The following ZNF708 variants were observed in gnomAD, a reference collection of about 807,000 sequenced individuals.
ZNF708 encodes the protein ZNF15, ZNF15L1.
ZNF708 carries 44 observed loss-of-function variants against 47.0 expected under a neutral mutation model. The ratio of observed to expected loss-of-function variants is 0.94; its 90% CI spans 0.74 to 1.20. The LOEUF (loss-of-function observed/expected upper bound fraction) is 1.20. ZNF708 is among the 50% of genes most tolerant of loss of function. ZNF708 has a pLI of 0.00. For synonymous variants in ZNF708, 184 were observed against 218.5 expected (o/e 0.84, Z 1.39); for missense variants, 557 against 656.0 (o/e 0.85, Z 1.65).
In ZNF708 at chr19:21,294,510, A is replaced by C; in HGVS notation, c.456T>G (p.Tyr152Ter). 1.2e-6 allele frequency: 2 copies of C among 1,614,142 alleles called. No homozygotes were observed. The highest frequency in any genetic ancestry group is 2.2e-5 in the South Asian group (2 of 91,068). Reference protein sequence around the residue: ...CDKYVKVFHKYSNAKRHKIRH... With the variant: ...CDKYVKVFHK Reference sequence around the variant, plus strand: ...TTATCTTATGTCTCTTTGCATTTGAATATTTATGAAAGACTTTCACGTATT... The same window carrying C: ...TTATCTTATGTCTCTTTGCATTTGACTATTTATGAAAGACTTTCACGTATT... Residue 152 changes from tyrosine (Y) to a stop codon, truncating the protein, a stop_gained, in exon 4 of 4, where the codon TAT becomes TAG. Transcript: ENST00000356929. LOFTEE classifies it high-confidence loss of function.
chr19:21,301,331 TAGAC>T (rs1426876656), intron 3 of ZNF708, among the ~76,000 whole-genome samples: 9 of 151,074 alleles, frequency 6.0e-5, no homozygotes, highest in African/African-American at 2.2e-4. Context: ...ATACAAAAGT[TAGAC>T]AGGGTGCGGT....
intron 3 of ZNF708, among the ~76,000 whole-genome samples, chr19:21,305,616 G>A (rs1158802647): frequency 6.6e-6 from 1 of 151,530 alleles, no homozygotes; most frequent in Non-Finnish European, 1.5e-5. Flanking sequence ...CCGCCACCAC[G>A]CCCAGCTAAT....
At chr19:21,325,492 C>A (rs918743075) in intron 1 of ZNF708, among the ~76,000 whole-genome samples, 2 of 152,144 alleles carry the variant, frequency 1.3e-5, no homozygotes, top group Non-Finnish European at 2.9e-5. Flanking sequence ...ACAAATGGTA[C>A]TGGGATAATT....
chr19:21,298,643 T>A (rs894788207), intron 3 of ZNF708, among the ~76,000 whole-genome samples: 6 of 148,286 alleles, frequency 4.0e-5, no homozygotes, highest in Non-Finnish European at 9.0e-5. Context: ...TCAAAATACA[T>A]GACAAAGCTA....
chr19:21,314,058 C>G (rs1972956546), intron 1 of ZNF708, among the ~76,000 whole-genome samples: 1 of 149,044 alleles, frequency 6.7e-6, no homozygotes, highest in African/African-American at 2.5e-5. Context: ...AGAGAGGCAG[C>G]AGAATTCAAC....
At chr19:21,300,195 G>A (rs377146871) in intron 3 of ZNF708, among the ~76,000 whole-genome samples, 9 of 139,456 alleles carry the variant, frequency 6.5e-5, no homozygotes, top group African/African-American at 2.1e-4. Flanking sequence ...CTGGGCAACA[G>A]AGCAAGACTC....
chr19:21,298,334 C>T (rs181022627), intron 3 of ZNF708, among the ~76,000 whole-genome samples: 20 of 151,738 alleles, frequency 1.3e-4, no homozygotes, highest in African/African-American at 4.4e-4. Context: ...CTTTCTGTGA[C>T]CAAAATGGAA....
intron 3 of ZNF708, among the ~76,000 whole-genome samples, chr19:21,307,396 C>T (rs773045657): frequency 1.5e-4 from 23 of 151,728 alleles, no homozygotes; most frequent in African/African-American, 4.8e-4. Flanking sequence ...GAAGCTGAGG[C>T]GGGTGGATCA....
chr19:21,293,315 T>G lies in ZNF708; in HGVS notation c.1651A>C (p.Lys551Gln), dbSNP rs766584371. ...GGTTTCTCTTTGGTATGAATTCTCTTATGTTTAGTAAGGTTTGGGGACTGG... is the reference window on the plus strand; with the variant it reads ...GGTTTCTCTTTGGTATGAATTCTCTGATGTTTAGTAAGGTTTGGGGACTGG... Reference protein sequence around the residue: ...FNQSPNLTKHKRIHTKEKPYK... With the variant: ...FNQSPNLTKHQRIHTKEKPYK... Residue 551 changes from lysine to glutamine, a missense_variant, in exon 4 of 4, where the codon AAG (lysine) becomes CAG (glutamine). Physicochemically the swap from Lys to Gln is moderately conservative, Grantham distance 53. Transcript: ENST00000356929. The G allele has an allele frequency of 3.5e-5, 56 of 1,612,276 alleles. No individual in the cohort carries two copies. Among genetic ancestry groups the G allele is most frequent in the Non-Finnish European group, 4.3e-5 (51 of 1,179,078 alleles).
chr19:21,308,223 T>TTTTGGCA, intron 3 of ZNF708, among the ~76,000 whole-genome samples: 1 of 152,084 alleles, frequency 6.6e-6, no homozygotes, highest in South Asian at 2.1e-4. Context: ...TCTAGTGGCA[T>TTTTGGCA]TTTTTTCATA....
chr19:21,308,188 G>C (rs1972824596), intron 3 of ZNF708, among the ~76,000 whole-genome samples: 1 of 151,512 alleles, frequency 6.6e-6, no homozygotes, highest in Non-Finnish European at 1.5e-5. Context: ...GTGAGCTATA[G>C]ATTCAAGAAA....
At position 21,321,966 on chromosome 19, in the gene ZNF708, C is replaced by CT. The variant is rs530855518; in HGVS notation, c.3+7243dup. Among the ~76,000 whole-genome samples, 81 of 151,954 alleles carry CT rather than the reference C, an allele frequency of 5.3e-4. No individual in the cohort carries two copies. In the South Asian group the frequency reaches 0.017, roughly 32 times the overall value. On this transcript the variant is annotated intron_variant, in intron 1 of 3. Coordinates refer to ENST00000356929, the MANE Select transcript of ZNF708 (RefSeq NM_021269.3). ...GTTTGTGCCTGGGTGGGGCTGTACT[C>CT]TAATTTATTTCTCTGTTCATACAGG...
chr19:21,311,977 T>C (rs1323871704), intron 1 of ZNF708, among the ~76,000 whole-genome samples: 5 of 152,212 alleles, frequency 3.3e-5, no homozygotes, highest in Admixed American at 1.3e-4. Context: ...AGCCTCATGT[T>C]AAAATCACAT....
intron 3 of ZNF708, among the ~76,000 whole-genome samples, chr19:21,297,262 ATATATATATTTTTTTTTTTTTTTTT>A (rs1474695507): frequency 2.1e-4 from 3 of 14,164 alleles, no homozygotes; most frequent in East Asian, 1.4e-3. Context: ...ATATATATAT[ATATATATATTTTTTTTTTTTTTTTT>A]TTTTTTTTTT....
At chr19:21,315,084 G>T (rs1225988076) in intron 1 of ZNF708, among the ~76,000 whole-genome samples, 1 of 152,164 alleles carries the variant, frequency 6.6e-6, no homozygotes, top group African/African-American at 2.4e-5. Context: ...AGGTATAGTT[G>T]TGGTCATGGC....
At chr19:21,306,485 A>G (rs2145163571) in intron 3 of ZNF708, among the ~76,000 whole-genome samples, 1 of 152,324 alleles carries the variant, frequency 6.6e-6, no homozygotes, top group African/African-American at 2.4e-5. Flanking sequence ...AGCAAAATTA[A>G]TAATTTATAG....
chr19:21,327,021 A>G (rs1973269668), intron 1 of ZNF708, among the ~76,000 whole-genome samples: 1 of 152,062 alleles, frequency 6.6e-6, no homozygotes, highest in Non-Finnish European at 1.5e-5. Flanking sequence ...TACTCTAAGA[A>G]AGGAAAACTT....
At chr19:21,311,549 A>G (rs748776330) in intron 1 of ZNF708, among the ~76,000 whole-genome samples, 27 of 152,180 alleles carry the variant, frequency 1.8e-4, no homozygotes, top group Non-Finnish European at 1.5e-4. Context: ...AGTTCTGTGC[A>G]AAGTTCAAGA....
chr19:21,311,400 A>G (rs528883085), intron 1 of ZNF708, among the ~76,000 whole-genome samples: 3 of 151,594 alleles, frequency 2.0e-5, no homozygotes, highest in Non-Finnish European at 4.4e-5. Flanking sequence ...TTTTTAACCG[A>G]AAGAATTATT....
Sources: gnomAD v4.1 joint callset for allele counts (sites outside exome capture counted in the v4.1 genomes callset) on GRCh38, gnomAD v4.1.1 for gene constraint, MANE v1.5 for transcripts, NCBI Gene and HGNC (gene_info 2026-07-23, HGNC 2026-07-21) for gene names.